The following ZBTB4 variants were observed in gnomAD, a reference collection of about 807,000 sequenced individuals.
ZBTB4 encodes zinc finger and BTB domain containing 4.
ZBTB4 carries 14 observed loss-of-function variants against 59.8 expected under a neutral mutation model. The ratio of observed to expected loss-of-function variants is 0.23; its 90% CI spans 0.15 to 0.37. The LOEUF (loss-of-function observed/expected upper bound fraction) is 0.37, where lower values mean the gene tolerates loss of function less well. Among genes scored for constraint, ZBTB4 ranks in the 10% least tolerant of loss-of-function variants. The probability of loss-of-function intolerance (pLI) is 1.00; values close to 1 mark genes in which losing one functional copy is unlikely to be tolerated. For missense variants in ZBTB4, 1,198 were observed against 1,380.8 expected (o/e 0.87, Z 2.10); for synonymous variants, 587 against 575.2 (o/e 1.02, Z -0.29).
upstream of ZBTB4, chr17:7,482,274 C>G: frequency 6.2e-7 from 1 of 1,614,066 alleles, no homozygotes; most frequent in South Asian, 1.1e-5. Context: ...CTTCTGGGAC[C>G]TCCTGACATC....
At chr17:7,479,801 C>A (rs1249935109), upstream of ZBTB4, among the ~76,000 whole-genome samples, 2 of 151,848 alleles carry the variant, frequency 1.3e-5, no homozygotes, top group African/African-American at 4.8e-5. Context: ...CATGACACTG[C>A]GCCGCGCTGG....
chr17:7,479,793 T>C (rs1567693023), upstream of ZBTB4, among the ~76,000 whole-genome samples: 1 of 150,820 alleles, frequency 6.6e-6, no homozygotes, highest in Admixed American at 6.6e-5. Flanking sequence ...CCCCGCGGCA[T>C]GACACTGCGC....
chr17:7,468,382 AC>A (rs1046175527), intron 1 of ZBTB4, among the ~76,000 whole-genome samples: 2 of 145,532 alleles, frequency 1.4e-5, no homozygotes, highest in African/African-American at 2.5e-5. Context: ...TCAAAAAAAA[AC>A]CCCCCAAAAA....
intron 1 of ZBTB4, among the ~76,000 whole-genome samples, chr17:7,475,266 G>A (rs1043641250): frequency 3.3e-5 from 5 of 151,124 alleles, no homozygotes; most frequent in Admixed American, 6.6e-5. Flanking sequence ...ACCTGAACCC[G>A]GAAGGCGGAG....
chr17:7,465,867 G>A lies in ZBTB4; in HGVS notation c.935C>T (p.Ala312Val), dbSNP rs749358442. The change falls in exon 3 of 4, where the codon GCG (alanine) becomes GTG (valine). Residue 312 changes from alanine (A) to valine (V), a missense_variant. By Grantham distance (64) the Ala-to-Val change is moderately conservative (BLOSUM62 0). Transcript: ENST00000380599. ...GGTCACGTAGGAACGCTCGCAGGCC[G>A]CGCACACATACAGCACGTGGCCGCC... is the stretch of plus-strand genomic sequence containing the variant. ...VVGGHVLYVC[A>V]ACERSYVTLS... is the part of the protein sequence containing the mutation. The A allele has an allele frequency of 1.7e-5, 27 of 1,614,046 alleles. No homozygotes were observed. In the South Asian group the frequency reaches 1.8e-4, roughly 11 times the overall value.
chr17:7,480,714 C>T (rs1464836691), upstream of ZBTB4, among the ~76,000 whole-genome samples: 3 of 151,426 alleles, frequency 2.0e-5, no homozygotes, highest in African/African-American at 7.3e-5. Flanking sequence ...AGACAGACTC[C>T]GTCTCAAAAA....
In ZBTB4 at chr17:7,462,370, G is replaced by C; in HGVS notation, c.2612C>G (p.Pro871Arg). ...CAAGGCCAGTGGAAATTCCTGCACAGGTGGGTATACATAGCTGCCCCCGCT... is the reference window on the plus strand; with the variant it reads ...CAAGGCCAGTGGAAATTCCTGCACACGTGGGTATACATAGCTGCCCCCGCT... ...VASGGSYVYPPVQEFPLALIG... is the reference protein window; with the variant it reads ...VASGGSYVYPRVQEFPLALIG... The change falls in exon 4 of 4, where the codon CCT becomes CGT. Residue 871 changes from proline to arginine, a missense_variant. Transcript: ENST00000380599. This position sits in a 1 kb window ranked among gnomAD's most constrained non-coding sequence, Gnocchi z 7.5. 3.7e-6 allele frequency: 6 copies of C among 1,613,932 alleles called. No individual in the cohort carries two copies. Among genetic ancestry groups the C allele is most frequent in the Non-Finnish European group, 5.1e-6 (6 of 1,179,982 alleles).
chr17:7,481,910 C>T, upstream of ZBTB4: 1 of 1,520,454 alleles, frequency 6.6e-7, no homozygotes, highest in Non-Finnish European at 8.8e-7. Flanking sequence ...GGTCCCAGAC[C>T]CCATCCTGGC....
chr17:7,467,185 A>C, intron 2 of ZBTB4, 72 bp downstream of exon 2: 4 of 1,037,736 alleles, frequency 3.9e-6, no homozygotes, highest in East Asian at 8.0e-5. Context: ...CCTAGACAAA[A>C]TGGCCGCCCC....
chr17:7,482,878 T>G (rs1246446643), upstream of ZBTB4: 1 of 1,611,834 alleles, frequency 6.2e-7, no homozygotes, highest in East Asian at 2.2e-5. Flanking sequence ...TACTGCAGTA[T>G]TATATGCTCC....
rs2070050432 is a variant in ZBTB4 at position 7,462,965 on chromosome 17, T to C, written c.2017A>G (p.Lys673Glu). The change falls in exon 4 of 4, where the codon AAG becomes GAG. Residue 673 changes from lysine (K) to glutamate (E), a missense_variant. Coordinates refer to ENST00000380599, the MANE Select transcript of ZBTB4 (RefSeq NM_001128833.2). This position sits in a 1 kb window ranked among gnomAD's most constrained non-coding sequence, Gnocchi z 7.5. ...LWRPYYSYKPKRKAGAAGGAS... is the reference protein window; with the variant it reads ...LWRPYYSYKPERKAGAAGGAS... ...CCTCCAGCAGCTCCAGCCTTGCGCTTAGGCTTGTAGGAGTAGTAGGGCCTC... is the reference window on the plus strand; with the variant it reads ...CCTCCAGCAGCTCCAGCCTTGCGCTCAGGCTTGTAGGAGTAGTAGGGCCTC... 6.2e-7 allele frequency: 1 copy of C among 1,608,192 alleles called. No homozygotes were observed. The highest frequency in any genetic ancestry group is 2.2e-5 in the East Asian group (1 of 44,818).
chr17:7,462,898 G>A lies in ZBTB4; in HGVS notation c.2084C>T (p.Pro695Leu). Residue 695 changes from proline to leucine, a missense_variant, in exon 4 of 4, where the codon CCA (proline) becomes CTA (leucine). Pro to Leu is a moderately conservative substitution (Grantham distance 98). Coordinates refer to ENST00000380599, the MANE Select transcript of ZBTB4 (RefSeq NM_001128833.2). This position sits in a 1 kb window ranked among gnomAD's most constrained non-coding sequence, Gnocchi z 7.5. ...TTCCAGCTTCTGCCTCCAACGTGGT[G>A]GCCGGCGGCCTCGGGGCAGCCCACT... Reference protein sequence around the residue: ...GGSGLPRGRRPPRWRQKLERR... With the variant: ...GGSGLPRGRRLPRWRQKLERR... 2 of 1,608,386 alleles carry A rather than the reference G, an allele frequency of 1.2e-6. No individual in the cohort carries two copies. Among genetic ancestry groups the A allele is most frequent in the Non-Finnish European group, 1.7e-6 (2 of 1,179,828 alleles).
At chr17:7,472,682 C>T (rs933535081) in intron 1 of ZBTB4, among the ~76,000 whole-genome samples, 2 of 117,590 alleles carry the variant, frequency 1.7e-5, no homozygotes, top group Non-Finnish European at 3.2e-5. Context: ...CACTCCGTTG[C>T]CCAGGTTGGA....
At chr17:7,479,172 G>C (rs761068164) in intron 1 of ZBTB4, among the ~76,000 whole-genome samples, 31 of 151,850 alleles carry the variant, frequency 2.0e-4, no homozygotes, top group Non-Finnish European at 4.3e-4. Flanking sequence ...CCTTCAAAGA[G>C]GGAGTGAGCA....
chr17:7,472,751 C>A (rs2070215988), intron 1 of ZBTB4, among the ~76,000 whole-genome samples: 1 of 149,918 alleles, frequency 6.7e-6, no homozygotes, highest in South Asian at 2.1e-4. Context: ...TCATGACCTC[C>A]CACCTCAGCG....
Position 7,463,600 on chromosome 17 carries a change from G to C in ZBTB4, c.1382C>G (p.Pro461Arg). Residue 461 changes from proline to arginine, a missense_variant, in exon 4 of 4, where the codon CCT becomes CGT. Coordinates refer to ENST00000380599, the MANE Select transcript of ZBTB4 (RefSeq NM_001128833.2). ...MPASPPPGPPPAPEPGPPPSV... is the reference protein window; with the variant it reads ...MPASPPPGPPRAPEPGPPPSV... Reference sequence around the variant, plus strand: ...GGGTGGAGGGCCAGGCTCTGGGGCAGGTGGAGGCCCAGGCGGCGGGCTGGC... The same window carrying C: ...GGGTGGAGGGCCAGGCTCTGGGGCACGTGGAGGCCCAGGCGGCGGGCTGGC... 2.5e-6 allele frequency: 4 copies of C among 1,602,250 alleles called. No homozygotes were observed. The highest frequency in any genetic ancestry group is 3.4e-6 in the Non-Finnish European group (4 of 1,174,326).
In ZBTB4 at chr17:7,461,892, G is replaced by C; in HGVS notation, c.*48C>G. On this transcript the variant is annotated 3_prime_UTR_variant, in exon 4 of 4. Transcript: ENST00000380599. Reference sequence around the variant, plus strand: ...GGCCAGGGAGCTGGTAGTGGTGGGGGGTTCAGGGAGGGTGGCATCTGGTGA... The same window carrying C: ...GGCCAGGGAGCTGGTAGTGGTGGGGCGTTCAGGGAGGGTGGCATCTGGTGA... 6.8e-7 allele frequency: 1 copy of C among 1,475,330 alleles called. No homozygotes were observed. Among genetic ancestry groups the C allele is most frequent in the South Asian group, 1.4e-5 (1 of 73,458 alleles). The allele number at this position is 1,475,330 out of a possible 1,614,324, so 91.4% of individuals were successfully genotyped here.
rs1368220262 is a variant in ZBTB4, at chr17:7,463,179, C to G, written c.1803G>C (p.Leu601=). 1 of 1,607,352 alleles carries G rather than the reference C, an allele frequency of 6.2e-7. No individual in the cohort carries two copies. Among genetic ancestry groups the G allele is most frequent in the East Asian group, 2.2e-5 (1 of 44,790 alleles). ...CCCCTATTCGCACAGTGATCTGACA[C>G]AGTGGAGGTGGAGCCTGCAGCTGAG... The part of the protein sequence containing the change: ...GPSQLQAPPP[L]CQITVRIGEE... Residue 601 remains leucine, a synonymous_variant, in exon 4 of 4, where the codon CTG becomes CTC. Transcript: ENST00000380599.
rs752818246 is a variant in ZBTB4, at chr17:7,463,586, C to T, written c.1396G>A (p.Gly466Ser). Reference sequence around the variant, plus strand: ...AAAGTGATGACAGAGGGTGGAGGGCCAGGCTCTGGGGCAGGTGGAGGCCCA... The same window carrying T: ...AAAGTGATGACAGAGGGTGGAGGGCTAGGCTCTGGGGCAGGTGGAGGCCCA... ...PPGPPPAPEP[G>S]PPPSVITFAH... The change falls in exon 4 of 4, where the codon GGC (glycine) becomes AGC (serine). Residue 466 changes from glycine to serine, a missense_variant. This residue lies in a region of ZBTB4 where 550 missense variants were observed against 541.8 expected (regional missense o/e 1.02). Coordinates refer to ENST00000380599, the MANE Select transcript of ZBTB4 (RefSeq NM_001128833.2). 8.1e-6 allele frequency: 13 copies of T among 1,597,372 alleles called. No homozygotes were observed. Among genetic ancestry groups the T allele is most frequent in the Non-Finnish European group, 1.1e-5 (13 of 1,172,092 alleles).
Sources: allele counts gnomAD v4.1 joint callset (sites outside exome capture counted in the v4.1 genomes callset), GRCh38; gene constraint gnomAD v4.1.1; regional missense constraint gnomAD v4.1.1; non-coding constraint Gnocchi (gnomAD v3.1); transcripts MANE v1.5; gene names NCBI Gene and HGNC (gene_info 2026-07-23, HGNC 2026-07-21).